Variants in KCNQ5 observed in about 807,000 individuals in gnomAD.
KCNQ5 encodes potassium voltage-gated channel subfamily KQT member 5.
In KCNQ5, 30 loss-of-function variants were observed where a neutral mutation model predicts 98.2. That is an observed-to-expected ratio of 0.31 (90% CI 0.23 to 0.41). The LOEUF is 0.41. KCNQ5 is among the 10% of genes least tolerant of loss of function. KCNQ5 has a pLI of 1.00. For synonymous variants in KCNQ5, 458 were observed against 449.4 expected, an observed-to-expected ratio of 1.02 and a Z score of -0.24; for missense variants, 835 against 1,182.5, an observed-to-expected ratio of 0.71 and a Z score of 4.31.
chr6:72,942,298 A>C (rs192754345), intron 1 of KCNQ5, among the ~76,000 whole-genome samples: 2 of 152,344 alleles, frequency 1.3e-5, no homozygotes, highest in Admixed American at 6.5e-5. Context: ...TGTAGTATCC[A>C]AATTAAACCT....
chr6:73,061,535 T>C (rs1467314199), intron 3 of KCNQ5, among the ~76,000 whole-genome samples: 9 of 152,120 alleles, frequency 5.9e-5, no homozygotes, highest in Non-Finnish European at 1.2e-4. Context: ...TCCAGGCACT[T>C]TTGTCATTGC....
chr6:72,883,335 T>C (rs1227045691), intron 1 of KCNQ5, among the ~76,000 whole-genome samples: 1 of 152,112 alleles, frequency 6.6e-6, no homozygotes, highest in African/African-American at 2.4e-5. Flanking sequence ...GTTGTTGTTT[T>C]CTGGGTGTGC....
chr6:73,135,979 C>G (rs549839735), intron 10 of KCNQ5: 1 of 152,296 alleles, frequency 6.6e-6, no homozygotes, highest in Non-Finnish European at 1.5e-5. Context: ...AATTTAATAA[C>G]ATCTCTAAAG....
intron 1 of KCNQ5, among the ~76,000 whole-genome samples, chr6:72,735,433 C>G (rs1005956091): frequency 2.0e-5 from 3 of 152,086 alleles, no homozygotes; most frequent in African/African-American, 7.2e-5. Flanking sequence ...TAATAAACAG[C>G]TTCCAATGTT....
intron 10 of KCNQ5, among the ~76,000 whole-genome samples, chr6:73,147,279 ATTG>A (rs543725252): frequency 0.014 from 2,183 of 152,164 alleles, 32 homozygotes; most frequent in Non-Finnish European, 0.019. Context: ...TATTAAATAT[ATTG>A]TTATTATTTA....
chr6:72,820,366 G>A (rs1775695707), intron 1 of KCNQ5, among the ~76,000 whole-genome samples: 1 of 152,170 alleles, frequency 6.6e-6, no homozygotes, highest in African/African-American at 2.4e-5. Flanking sequence ...ATGACGAAGT[G>A]TGTGCTCCTA....
intron 1 of KCNQ5, among the ~76,000 whole-genome samples, chr6:72,957,336 A>G (rs1052496427): frequency 2.4e-4 from 36 of 151,546 alleles, no homozygotes; most frequent in Non-Finnish European, 4.1e-4. Context: ...ACACTTGGCT[A>G]ATTTTTGTGT....
At chr6:72,709,480 AC>A (rs1769251278) in intron 1 of KCNQ5, among the ~76,000 whole-genome samples, 12 of 152,180 alleles carry the variant, frequency 7.9e-5, no homozygotes, top group Non-Finnish European at 1.8e-4. Context: ...ATGGCCCCTA[AC>A]AGAGATTTGG....
intron 1 of KCNQ5, among the ~76,000 whole-genome samples, chr6:72,712,004 T>G (rs990928692): frequency 6.6e-6 from 1 of 152,196 alleles, no homozygotes; most frequent in African/African-American, 2.4e-5. Flanking sequence ...TCAAAGCATA[T>G]GTGTAGTAAT....
chr6:73,002,907 T>C (rs936008072), intron 1 of KCNQ5, among the ~76,000 whole-genome samples: 10 of 152,208 alleles, frequency 6.6e-5, no homozygotes, highest in Non-Finnish European at 1.5e-4. Flanking sequence ...GTGGTAAGAC[T>C]TGTAAGACTT....
At chr6:72,623,373 TG>T (rs2098916475) in intron 1 of KCNQ5, among the ~76,000 whole-genome samples, 1 of 134,846 alleles carries the variant, frequency 7.4e-6, no homozygotes, top group African/African-American at 2.9e-5. Flanking sequence ...AGTCCCCGTT[TG>T]TGGCGCGGAG....
Position 73,077,815 on chromosome 6 carries a change from C to T in KCNQ5, c.846C>T (p.Phe282=), listed in dbSNP as rs759949288. 16 of 1,611,804 alleles carry T rather than the reference C, an allele frequency of 9.9e-6. No homozygotes were observed. The African/African-American group carries it at 1.2e-4, about 12-fold the overall frequency. ...IGFLVLIFSS[F]LVYLVEKDAN... ...TTTTGGTTCTTATTTTTTCGTCTTT[C>T]CTTGTCTATCTGGTGGAAAAGGATG... The change falls in exon 5 of 14, where the codon TTC becomes TTT. Residue 282 remains phenylalanine (F), a synonymous_variant. Transcript: ENST00000370398.
intron 1 of KCNQ5, among the ~76,000 whole-genome samples, chr6:72,915,393 A>T (rs950919489): frequency 6.6e-6 from 1 of 152,144 alleles, no homozygotes. Flanking sequence ...ATAACTATTG[A>T]TTCTTTTCTC....
intron 1 of KCNQ5, among the ~76,000 whole-genome samples, chr6:72,658,576 A>ATTTTTTTT: frequency 1.1e-5 from 1 of 92,410 alleles, no homozygotes; most frequent in Non-Finnish European, 2.2e-5. Flanking sequence ...ATATATATAT[A>ATTTTTTTT]TATTTTTTTT....
intron 7 of KCNQ5, among the ~76,000 whole-genome samples, chr6:73,113,830 T>C (rs1050587040): frequency 6.6e-6 from 1 of 152,238 alleles, no homozygotes; most frequent in African/African-American, 2.4e-5. Context: ...TTTTATTTTA[T>C]GGAACTGGGT....
chr6:72,625,254 A>G (rs1236101019), intron 1 of KCNQ5, among the ~76,000 whole-genome samples: 2 of 152,368 alleles, frequency 1.3e-5, no homozygotes, highest in Middle Eastern at 3.4e-3. Flanking sequence ...TCTTTTCAAG[A>G]GTACATATCC....
At chr6:73,151,044 C>G (rs73458586) in intron 10 of KCNQ5, among the ~76,000 whole-genome samples, 3,008 of 152,060 alleles carry the variant, frequency 0.02, 96 homozygotes, top group African/African-American at 0.068. Context: ...TTGCACTATA[C>G]TTTTGCAAGA....
chr6:72,831,660 A>G (rs1232379011), intron 1 of KCNQ5, among the ~76,000 whole-genome samples: 1 of 152,000 alleles, frequency 6.6e-6, no homozygotes, highest in Non-Finnish European at 1.5e-5. Flanking sequence ...GCACACCAAC[A>G]TGGCACATGT....
intron 1 of KCNQ5, among the ~76,000 whole-genome samples, chr6:72,891,884 G>A (rs1208023014): frequency 6.6e-6 from 1 of 152,104 alleles, no homozygotes; most frequent in Non-Finnish European, 1.5e-5. Context: ...CCACACATTT[G>A]GATATAGGCT....
Sources: gnomAD v4.1 joint callset for allele counts (sites outside exome capture counted in the v4.1 genomes callset) on GRCh38, gnomAD v4.1.1 for gene constraint, MANE v1.5 for transcripts, NCBI Gene and HGNC (gene_info 2026-07-23, HGNC 2026-07-21) for gene names.